Variants in BRINP3 observed in about 807,000 individuals in gnomAD.
The protein encoded by BRINP3 is BMP/retinoic acid-inducible neural-specific protein 3.
A neutral mutation model predicts 71.0 loss-of-function variants in BRINP3; 19 were observed. The ratio of observed to expected loss-of-function variants is 0.27; its 90% CI spans 0.19 to 0.39. The LOEUF is 0.39. BRINP3 is among the 10% of genes least tolerant of loss of function. The pLI is 1.00. For synonymous variants in BRINP3, 380 were observed against 337.7 expected, an observed-to-expected ratio of 1.13 and a Z score of -1.37; for missense variants, 959 against 940.8, an observed-to-expected ratio of 1.02 and a Z score of -0.25.
chr1:190,333,636 A>G (rs887779125), intron 2 of BRINP3, among the ~76,000 whole-genome samples: 2 of 151,984 alleles, frequency 1.3e-5, no homozygotes, highest in African/African-American at 2.4e-5. Context: ...TTATCACTCT[A>G]TGAATAGCTT....
intron 4 of BRINP3, among the ~76,000 whole-genome samples, chr1:190,252,615 A>T (rs1195664884): frequency 6.6e-6 from 1 of 152,148 alleles, no homozygotes; most frequent in Non-Finnish European, 1.5e-5. Context: ...AACATCATCA[A>T]TTCTGCTCAT....
In BRINP3 at chr1:190,448,997, T is replaced by C. The variant is rs566177477; in HGVS notation, c.236+5658A>G. Among the ~76,000 whole-genome samples, 250 of 152,096 alleles carry C rather than the reference T, an allele frequency of 1.6e-3. 1 individual carries two copies. The highest frequency in any genetic ancestry group is 5.8e-3 in the African/African-American group (243 of 41,558). On this transcript the variant is annotated intron_variant, in intron 2 of 7. Coordinates refer to ENST00000367462, the MANE Select transcript of BRINP3 (RefSeq NM_199051.3). ...ATTTGAATTTCCACTCTCTGCTTAA[T>C]TTTTCTAAGGTTTTACTCAAATTCA...
intron 2 of BRINP3, among the ~76,000 whole-genome samples, chr1:190,432,767 A>C (rs180846349): frequency 3.9e-4 from 59 of 152,288 alleles, no homozygotes; most frequent in Non-Finnish European, 7.4e-4. Flanking sequence ...TGCCATTAGA[A>C]CAAACAAAAT....
At chr1:190,470,026 G>T (rs1677024871) in intron 1 of BRINP3, among the ~76,000 whole-genome samples, 1 of 150,972 alleles carries the variant, frequency 6.6e-6, no homozygotes, top group Admixed American at 6.6e-5. Context: ...TAATGAATCT[G>T]TAAAATAACA....
intron 1 of BRINP3, among the ~76,000 whole-genome samples, chr1:190,461,398 A>G (rs1676388820): frequency 6.6e-6 from 1 of 152,164 alleles, no homozygotes; most frequent in Non-Finnish European, 1.5e-5. Context: ...ATTCACAAGG[A>G]TTTTCATGAC....
chr1:190,108,339 C>A (rs1652365390), intron 7 of BRINP3, among the ~76,000 whole-genome samples: 1 of 149,178 alleles, frequency 6.7e-6, no homozygotes, highest in South Asian at 2.1e-4. Flanking sequence ...ATAAGCAAAT[C>A]GTGTGTGTGT....
chr1:190,219,389 G>A (rs1353964290), intron 6 of BRINP3, among the ~76,000 whole-genome samples: 1 of 151,944 alleles, frequency 6.6e-6, no homozygotes, highest in Non-Finnish European at 1.5e-5. Flanking sequence ...ATTTATTAGA[G>A]AAATTTAACA....
intron 2 of BRINP3, among the ~76,000 whole-genome samples, chr1:190,438,510 G>C (rs926656945): frequency 6.6e-6 from 1 of 151,826 alleles, no homozygotes; most frequent in Admixed American, 6.6e-5. Context: ...TTATACTGTA[G>C]CTATAAAAAG....
At chr1:190,445,375 A>C (rs1371086077) in intron 2 of BRINP3, among the ~76,000 whole-genome samples, 1 of 152,190 alleles carries the variant, frequency 6.6e-6, no homozygotes, top group Non-Finnish European at 1.5e-5. Context: ...TATTAGGACT[A>C]ATTTATTTAA....
At chr1:190,241,996 A>C (rs1350021253) in intron 4 of BRINP3, among the ~76,000 whole-genome samples, 1 of 151,612 alleles carries the variant, frequency 6.6e-6, no homozygotes, top group African/African-American at 2.4e-5. Context: ...GATAGTCATT[A>C]AGTCTTATTT....
At chr1:190,167,296 G>T (rs1651639570) in intron 6 of BRINP3, among the ~76,000 whole-genome samples, 1 of 152,076 alleles carries the variant, frequency 6.6e-6, no homozygotes, top group African/African-American at 2.4e-5. Flanking sequence ...GTTTCCTACT[G>T]GCTGGGACAA....
intron 2 of BRINP3, among the ~76,000 whole-genome samples, chr1:190,294,738 T>C (rs1016360666): frequency 4.6e-5 from 7 of 152,102 alleles, no homozygotes; most frequent in Admixed American, 3.9e-4. Context: ...GCCTTGTTTG[T>C]ACCTGTCCTT....
Position 190,351,346 on chromosome 1 carries a change from C to T in BRINP3, c.237-69596G>A, listed in dbSNP as rs147121796. ...CTAACATATGCAAAACTTATTTGGA[C>T]TCTCATTTTGCTTACAATATAAAAA... On this transcript the variant is annotated intron_variant, in intron 2 of 7. Transcript: ENST00000367462. Among the ~76,000 whole-genome samples the T allele has an allele frequency of 7.7e-4, 117 of 152,140 alleles. 1 individual carries two copies. The highest frequency in any genetic ancestry group is 2.5e-3 in the African/African-American group (103 of 41,542).
chr1:190,262,385 C>T (rs1048265095), intron 4 of BRINP3, among the ~76,000 whole-genome samples: 9 of 152,226 alleles, frequency 5.9e-5, no homozygotes, highest in East Asian at 3.8e-4. Context: ...CACCACCTCA[C>T]GCTTGCACTC....
intron 7 of BRINP3, among the ~76,000 whole-genome samples, chr1:190,149,193 T>C (rs1459610081): frequency 6.6e-6 from 1 of 152,210 alleles, no homozygotes; most frequent in Non-Finnish European, 1.5e-5. Context: ...AACATGACAG[T>C]TGTCACTAGT....
rs1657353206 is a variant in BRINP3, at chr1:190,226,130, G to A, written c.913C>T (p.Arg305Ter). ...DIQAMEENLL[R>*]ITETWKAYNS... ...TAAGCTTTCCAGGTTTCAGTTATTCGAAGAAGATTCTCTTCCATGGCTTGA... is the reference window on the plus strand; with the variant it reads ...TAAGCTTTCCAGGTTTCAGTTATTCAAAGAAGATTCTCTTCCATGGCTTGA... The change falls in exon 6 of 8, where the codon CGA (arginine) becomes TGA (stop). Residue 305 changes from arginine (R) to a stop codon, truncating the protein, a stop_gained. Coordinates refer to ENST00000367462, the MANE Select transcript of BRINP3 (RefSeq NM_199051.3). LOFTEE classifies it high-confidence loss of function. The A allele has an allele frequency of 1.9e-6, 3 of 1,610,492 alleles. No homozygotes were observed. The highest frequency in any genetic ancestry group is 1.7e-6 in the Non-Finnish European group (2 of 1,177,954).
chr1:190,341,951 A>G (rs1336173978), intron 2 of BRINP3, among the ~76,000 whole-genome samples: 1 of 151,706 alleles, frequency 6.6e-6, no homozygotes, highest in Non-Finnish European at 1.5e-5. Context: ...CTATGCTACA[A>G]TCAAAAAGTG....
intron 2 of BRINP3, among the ~76,000 whole-genome samples, chr1:190,313,370 G>A (rs1665662616): frequency 6.6e-6 from 1 of 151,954 alleles, no homozygotes; most frequent in African/African-American, 2.4e-5. Context: ...AAGAAGAAAG[G>A]AAAGCAGAAG....
At chr1:190,155,903 C>T (rs1656824571) in intron 7 of BRINP3, among the ~76,000 whole-genome samples, 1 of 152,026 alleles carries the variant, frequency 6.6e-6, no homozygotes, top group African/African-American at 2.4e-5. Flanking sequence ...TCAATTAAGC[C>T]TCTTTTCTTT....
Sources: gnomAD v4.1 joint callset for allele counts (sites outside exome capture counted in the v4.1 genomes callset) on GRCh38, gnomAD v4.1.1 for gene constraint, MANE v1.5 for transcripts, NCBI Gene and HGNC (gene_info 2026-07-23, HGNC 2026-07-21) for gene names.